PLEKHN1: variants seen among roughly 807,000 people sequenced by gnomAD.
PLEKHN1 encodes pleckstrin homology domain containing N1, also known as pleckstrin homology domain-containing family N member 1.
A neutral mutation model predicts 72.8 loss-of-function variants in PLEKHN1; 68 were observed. The ratio of observed to expected loss-of-function variants is 0.93; its 90% CI spans 0.77 to 1.14. The LOEUF (loss-of-function observed/expected upper bound fraction) is 1.14, where lower values mean the gene tolerates loss of function less well. PLEKHN1 is among the 50% of genes most tolerant of loss of function. The pLI is 0.00. For synonymous variants in PLEKHN1, 454 were observed against 371.6 expected (o/e 1.22, Z -2.55); for missense variants, 1,015 against 840.5 (o/e 1.21, Z -2.57).
intron 10 of PLEKHN1, 37 bp from the exon 11 acceptor site, chr1:972,824 T>C: frequency 6.7e-7 from 1 of 1,498,422 alleles, no homozygotes; most frequent in Non-Finnish European, 8.9e-7. Flanking sequence ...GGGGAGGGGG[T>C]CCAGCCCTCA....
chr1:966,856 C>A, intron 2 of PLEKHN1, 53 bp downstream of exon 2: 1 of 1,492,160 alleles, frequency 6.7e-7, no homozygotes, highest in South Asian at 1.3e-5. Flanking sequence ...TCTGCCCGCG[C>A]GTGTGTGCCG....
chr1:973,315 G>A lies in PLEKHN1; in HGVS notation c.1282G>A (p.Asp428Asn), dbSNP rs895572468. Residue 428 changes from aspartate to asparagine, a missense_variant, in exon 12 of 16, where the codon GAC becomes AAC. Transcript: ENST00000379410. ...GRGPVTPLHL[D>N]LTQLHRLSLE... is the part of the protein sequence containing the mutation. ...CGGCCCTGTCACCCCACTGCACCTG[G>A]ACCTGACCCAGGTGGGCCCAGCACA... The A allele has an allele frequency of 6.5e-7, 1 of 1,547,274 alleles. No homozygotes were observed. Among genetic ancestry groups the A allele is most frequent in the Non-Finnish European group, 8.8e-7 (1 of 1,141,880 alleles).
In PLEKHN1 at chr1:973,022, CG is replaced by C; in HGVS notation, c.1152+16del. 1 of 1,592,164 alleles carries C rather than the reference CG, an allele frequency of 6.3e-7. No homozygotes were observed. ...CCCAGCACACACCGGTGAGCGCTTA[CG>C]GGGTGGCAGACGAAAGTGGGGCAGA... On this transcript the variant is annotated intron_variant, in intron 11 of 15. Coordinates refer to ENST00000379410, the MANE Select transcript of PLEKHN1 (RefSeq NM_032129.3).
At chr1:967,227 G>A (rs970500304) in intron 2 of PLEKHN1, among the ~76,000 whole-genome samples, 1 of 152,172 alleles carries the variant, frequency 6.6e-6, no homozygotes, top group Non-Finnish European at 1.5e-5. Flanking sequence ...GGAAGTTGCC[G>A]CTGGGTATGG....
Position 972,089 on chromosome 1 carries a change from C to G in PLEKHN1, c.804C>G (p.Leu268=). The change falls in exon 9 of 16, where the codon CTC becomes CTG. Residue 268 remains leucine, a synonymous_variant. Transcript: ENST00000379410. The part of the protein sequence containing the change: ...DGLCFKGELP[L]RAVHINLEEK... The stretch of plus-strand genomic sequence containing the variant: ...CTGCTCCGCAGGGGGAGCTCCCACT[C>G]CGTGCCGTCCACATCAACCTGGAGG... 1 of 1,613,004 alleles carries G rather than the reference C, an allele frequency of 6.2e-7. No homozygotes were observed. Among genetic ancestry groups the G allele is most frequent in the Non-Finnish European group, 8.5e-7 (1 of 1,179,860 alleles).
intron 6 of PLEKHN1, 45 bp downstream of exon 6, chr1:971,051 A>G (rs771418859): frequency 2.0e-6 from 3 of 1,535,284 alleles, no homozygotes; most frequent in African/African-American, 2.7e-5. Context: ...TGATCCTCGC[A>G]GCCGGCTCTG....
intron 2 of PLEKHN1, among the ~76,000 whole-genome samples, chr1:969,651 T>C (rs1214805045): frequency 8.8e-6 from 1 of 113,630 alleles, no homozygotes; most frequent in Non-Finnish European, 1.5e-5. Context: ...TGTGTGCACG[T>C]GTGTATCCAT....
intron 7 of PLEKHN1, 30 bp downstream of exon 7, chr1:971,238 G>C: frequency 6.4e-7 from 1 of 1,560,862 alleles, no homozygotes. Context: ...GGCTGTAGGG[G>C]GATGGGAGGG....
rs149795372 is a variant in PLEKHN1 at position 973,550 on chromosome 1, G to A, written c.1344G>A (p.Ser448=). Residue 448 remains serine, a synonymous_variant, in exon 13 of 16, where the codon TCG becomes TCA. Transcript: ENST00000379410. ...GCCCAGATGCCCCTGACCACACTTC[G>A]GAAACATCACACTCGCCCCTCTATG... The part of the protein sequence containing the change: ...ESSPDAPDHT[S]ETSHSPLYAD... The A allele has an allele frequency of 1.3e-5, 21 of 1,613,142 alleles. No homozygotes were observed. Among genetic ancestry groups the A allele is most frequent in the East Asian group, 4.5e-5 (2 of 44,874 alleles).
intron 2 of PLEKHN1, among the ~76,000 whole-genome samples, chr1:969,720 A>G (rs1470055953): frequency 6.6e-6 from 1 of 151,084 alleles, no homozygotes; most frequent in East Asian, 2.0e-4. Context: ...TCCCGTGTGT[A>G]TGCATCTGTG....
chr1:974,183 C>T (rs1643497376), intron 14 of PLEKHN1, 132 bp downstream of exon 14: 4 of 1,501,190 alleles, frequency 2.7e-6, no homozygotes, highest in Non-Finnish European at 3.7e-6. Flanking sequence ...CCAGGGGGGC[C>T]AGTAGGGAGT....
chr1:973,876 G>A lies in PLEKHN1; in HGVS notation c.1478G>A (p.Ser493Asn). Reference protein sequence around the residue: ...MQSARGPTPSSPLPSVPVSVP... With the variant: ...MQSARGPTPSNPLPSVPVSVP... ...AGTGCACGTGGACCCACGCCCTCGAGCCCACTCCCCTCGGTGCCTGTGTCT... is the reference window on the plus strand; with the variant it reads ...AGTGCACGTGGACCCACGCCCTCGAACCCACTCCCCTCGGTGCCTGTGTCT... The change falls in exon 14 of 16, where the codon AGC becomes AAC. Residue 493 changes from serine (S) to asparagine (N), a missense_variant. Transcript: ENST00000379410. The A allele has an allele frequency of 6.2e-7, 1 of 1,610,856 alleles. No homozygotes were observed. The highest frequency in any genetic ancestry group is 8.5e-7 in the Non-Finnish European group (1 of 1,179,878).
rs774441222 is a variant in PLEKHN1, at chr1:970,239, C to T, written c.184-38C>T. 36 of 1,603,374 alleles carry T rather than the reference C, an allele frequency of 2.2e-5. No homozygotes were observed. In the Admixed American group the frequency reaches 5.1e-4, roughly 23 times the overall value. On this transcript the variant is annotated intron_variant, in intron 2 of 15. Coordinates refer to ENST00000379410, the MANE Select transcript of PLEKHN1 (RefSeq NM_032129.3). This position sits in a 1 kb window ranked among gnomAD's most constrained non-coding sequence, Gnocchi z 4.2. ...ATGCGAGCGGAGGGGGTGGGGGGCC[C>T]AGGGGAGGCCCCCTCCCCTGAGCTC... is the stretch of plus-strand genomic sequence containing the variant.
Position 973,865 on chromosome 1 carries a change from C to T in PLEKHN1, c.1467C>T (p.Pro489=). ...GTGCCATGCAGAGTGCACGTGGACC[C>T]ACGCCCTCGAGCCCACTCCCCTCGG... ...FLSAMQSARG[P]TPSSPLPSVP... Residue 489 remains proline, a synonymous_variant, in exon 14 of 16, where the codon CCC becomes CCT. Transcript: ENST00000379410. 1.2e-6 allele frequency: 2 copies of T among 1,610,620 alleles called. No individual in the cohort carries two copies. The highest frequency in any genetic ancestry group is 1.7e-6 in the Non-Finnish European group (2 of 1,179,862).
At position 971,213 on chromosome 1, in the gene PLEKHN1, G is replaced by C. The variant is rs1375058241; in HGVS notation, c.708+5G>C. 6.4e-7 allele frequency: 1 copy of C among 1,572,208 alleles called. No homozygotes were observed. Among genetic ancestry groups the C allele is most frequent in the East Asian group, 2.3e-5 (1 of 42,728 alleles). On this transcript the variant is annotated splice_donor_5th_base_variant and intron_variant, in intron 7 of 15. Transcript: ENST00000379410. ...CTGCAGCACCTGCCCGCACAGGTGG[G>C]TGGGAGGTGCGTGGGGCTGTAGGGG...
rs920584572 is a variant in PLEKHN1, at chr1:966,698, C to A, written c.84-6C>A. 2.5e-6 allele frequency: 4 copies of A among 1,579,190 alleles called. No individual in the cohort carries two copies. Among genetic ancestry groups the A allele is most frequent in the Non-Finnish European group, 3.4e-6 (4 of 1,162,738 alleles). On this transcript the variant is annotated splice_region_variant and splice_polypyrimidine_tract_variant and intron_variant, in intron 1 of 15. Transcript: ENST00000379410. ...CAAGCCACGAGACCCCTTGCCTTGT[C>A]CCCAGAGAGGACAGCGCGCGGATGT... is the stretch of plus-strand genomic sequence containing the variant.
intron 12 of PLEKHN1, 63 bp downstream of exon 12, chr1:973,389 T>C (rs1223972818): frequency 2.6e-6 from 4 of 1,558,966 alleles, no homozygotes; most frequent in Non-Finnish European, 3.5e-6. Flanking sequence ...CACTGGTCTC[T>C]GTCTCTGGGC....
intron 7 of PLEKHN1, 25 bp from the exon 8 acceptor site, chr1:971,299 C>T (rs1643314907): frequency 1.9e-6 from 3 of 1,557,068 alleles, no homozygotes; most frequent in African/African-American, 1.4e-5. Flanking sequence ...TCCCTCATCG[C>T]CTGACCCCAC....
Position 971,202 on chromosome 1 carries a change from C to A in PLEKHN1, c.702C>A (p.Pro234=). 3 of 1,577,086 alleles carry A rather than the reference C, an allele frequency of 1.9e-6. No individual in the cohort carries two copies. In the East Asian group the frequency reaches 7.0e-5, roughly 37 times the overall value. The part of the protein sequence containing the change: ...CASRVKLQHL[P]AQEQWDRLLV... ...CGAGGGTCAAGCTGCAGCACCTGCCCGCACAGGTGGGTGGGAGGTGCGTGG... is the reference window on the plus strand; with the variant it reads ...CGAGGGTCAAGCTGCAGCACCTGCCAGCACAGGTGGGTGGGAGGTGCGTGG... The change falls in exon 7 of 16, where the codon CCC becomes CCA. Residue 234 remains proline, a synonymous_variant. Coordinates refer to ENST00000379410, the MANE Select transcript of PLEKHN1 (RefSeq NM_032129.3).
Sources: gnomAD v4.1 joint callset for allele counts (sites outside exome capture counted in the v4.1 genomes callset) on GRCh38, gnomAD v4.1.1 for gene constraint, Gnocchi (gnomAD v3.1) non-coding constraint, MANE v1.5 for transcripts, NCBI Gene and HGNC (gene_info 2026-07-23, HGNC 2026-07-21) for gene names.